The following GJA5 variants were observed in gnomAD, a reference collection of about 807,000 sequenced individuals.
GJA5 encodes gap junction protein alpha 5.
A neutral mutation model predicts 7.9 loss-of-function variants in GJA5; 3 were observed. The observed-to-expected ratio is 0.38, with a 90% CI of 0.17 to 0.99. GJA5 has a LOEUF of 0.99. Ranked by LOEUF, GJA5 falls within the 50% of genes least tolerant of loss-of-function variation. The pLI is 0.38. For missense variants in GJA5, 390 were observed against 457.9 expected, an observed-to-expected ratio of 0.85 and a Z score of 1.35; for synonymous variants, 193 against 181.0, an observed-to-expected ratio of 1.07 and a Z score of -0.53.
intron 1 of GJA5, among the ~76,000 whole-genome samples, chr1:147,767,577 T>TTTTA (rs1553228397): frequency 4.0e-5 from 6 of 148,482 alleles, no homozygotes; most frequent in African/African-American, 1.5e-4. Flanking sequence ...TTTTTTTTTT[T>TTTTA]TTTAGAGATG....
chr1:147,769,475 G>A (rs1224210452), intron 1 of GJA5, among the ~76,000 whole-genome samples: 1 of 152,186 alleles, frequency 6.6e-6, no homozygotes, highest in Non-Finnish European at 1.5e-5. Context: ...TGGGGATAAC[G>A]TAATGTGTGG....
chr1:147,759,996 A>G (rs1663928658), intron 1 of GJA5, among the ~76,000 whole-genome samples: 2 of 152,174 alleles, frequency 1.3e-5, no homozygotes, highest in Admixed American at 1.3e-4. Flanking sequence ...AGCATGGACC[A>G]GCTGTGTTGG....
intron 1 of GJA5, among the ~76,000 whole-genome samples, chr1:147,768,246 T>C (rs1664277405): frequency 6.6e-6 from 1 of 152,224 alleles, no homozygotes; most frequent in Admixed American, 6.5e-5. Context: ...TTAATTCCTT[T>C]TTAAATTTAA....
chr1:147,760,668 C>A (rs2148960322), upstream of GJA5: 1 of 152,366 alleles, frequency 6.6e-6, no homozygotes, highest in African/African-American at 2.4e-5. Flanking sequence ...GGCTGACAGG[C>A]ACTGTTGTTT....
upstream of GJA5, among the ~76,000 whole-genome samples, chr1:147,762,591 G>A (rs1664058906): frequency 1.3e-5 from 2 of 152,210 alleles, no homozygotes; most frequent in Non-Finnish European, 2.9e-5. Context: ...ACTATCTGAG[G>A]AGGTATAGGG....
At position 147,758,480 on chromosome 1, in the gene GJA5, G is replaced by A. The variant is rs781830134; in HGVS notation, c.759C>T (p.Pro253=). 6 of 1,614,208 alleles carry A rather than the reference G, an allele frequency of 3.7e-6. No homozygotes were observed. The East Asian group carries it at 6.7e-5, about 18-fold the overall frequency. Residue 253 remains proline, a synonymous_variant, in exon 2 of 2, where the codon CCC becomes CCT. Coordinates refer to ENST00000579774, the MANE Select transcript of GJA5 (RefSeq NM_181703.4). ...QHMAKCQLSG[P]SVGIVQSCTP... is the part of the protein sequence containing the mutation. ...TGCAGCTCTGGACTATGCCCACAGAGGGGCCAGAAAGCTGGCACTTAGCCA... is the reference window on the plus strand; with the variant it reads ...TGCAGCTCTGGACTATGCCCACAGAAGGGCCAGAAAGCTGGCACTTAGCCA...
At chr1:147,768,895 C>T (rs1401895572) in intron 1 of GJA5, among the ~76,000 whole-genome samples, 1 of 152,222 alleles carries the variant, frequency 6.6e-6, no homozygotes, top group Non-Finnish European at 1.5e-5. Flanking sequence ...CACATCCTCT[C>T]TACATCTCTG....
intron 1 of GJA5, among the ~76,000 whole-genome samples, chr1:147,768,771 C>T (rs1664298879): frequency 6.6e-6 from 1 of 152,266 alleles, no homozygotes. Flanking sequence ...AGTAGTATTG[C>T]CCCATTTCAC....
intron 1 of GJA5, among the ~76,000 whole-genome samples, chr1:147,759,660 C>G (rs887627405): frequency 6.6e-6 from 1 of 152,098 alleles, no homozygotes; most frequent in East Asian, 1.9e-4. Flanking sequence ...AGGGACCGCA[C>G]CTGGAGAAAC....
intron 1 of GJA5, among the ~76,000 whole-genome samples, chr1:147,771,582 A>G (rs1292985098): frequency 6.6e-6 from 1 of 152,210 alleles, no homozygotes; most frequent in Non-Finnish European, 1.5e-5. Context: ...ATGTAAGAAC[A>G]GTGACCAGCT....
At chr1:147,766,151 C>T (rs1160511768) in intron 1 of GJA5, among the ~76,000 whole-genome samples, 1 of 152,138 alleles carries the variant, frequency 6.6e-6, no homozygotes, top group Non-Finnish European at 1.5e-5. Flanking sequence ...ATTAGTTGCT[C>T]TACAGGCCAT....
At position 147,756,450 on chromosome 1, in the gene GJA5, T is replaced by A. The variant is rs1159901516; in HGVS notation, c.*1712A>T. ...CATCCTAGTCACTTTCCTCCACCTC[T>A]CCACTCTCATTTATCTTTCCACCCA... On this transcript the variant is annotated 3_prime_UTR_variant, in exon 2 of 2. Transcript: ENST00000579774. 5 of 152,196 alleles carry A rather than the reference T, an allele frequency of 3.3e-5. No individual in the cohort carries two copies. The highest frequency in any genetic ancestry group is 7.3e-5 in the Non-Finnish European group (5 of 68,042). The allele number at this position is 152,196 out of a possible 1,614,324, so 9.4% of individuals were successfully genotyped here.
chr1:147,766,799 C>A (rs782534114), intron 1 of GJA5, among the ~76,000 whole-genome samples: 4 of 152,156 alleles, frequency 2.6e-5, no homozygotes, highest in African/African-American at 9.7e-5. Flanking sequence ...GTAATAATAA[C>A]AACCCCCTGG....
chr1:147,760,845 C>T (rs1451497350), upstream of GJA5, among the ~76,000 whole-genome samples: 1 of 152,138 alleles, frequency 6.6e-6, no homozygotes, highest in African/African-American at 2.4e-5. Flanking sequence ...TTCTACCCCC[C>T]AGTAAATGGA....
chr1:147,765,763 G>C (rs1444063140), intron 1 of GJA5, among the ~76,000 whole-genome samples: 2 of 152,122 alleles, frequency 1.3e-5, no homozygotes, highest in African/African-American at 4.8e-5. Context: ...TTGCTCCTGA[G>C]GGCCTAATCT....
Position 147,759,101 on chromosome 1 carries a change from C to T in GJA5, c.138G>A (p.Gly46=), listed in dbSNP as rs984101534. 2 of 1,612,640 alleles carry T rather than the reference C, an allele frequency of 1.2e-6. No individual in the cohort carries two copies. Among genetic ancestry groups the T allele is most frequent in the Non-Finnish European group, 1.7e-6 (2 of 1,179,204 alleles). The part of the protein sequence containing the change: ...VLGTAAESSW[G]DEQADFRCDT... ...CACACCGGAAATCAGCCTGCTCATC[C>T]CCCCAGGAAGACTCAGCAGCTGTGC... Residue 46 remains glycine (G), a synonymous_variant, in exon 2 of 2, where the codon GGG becomes GGA. Coordinates refer to ENST00000579774, the MANE Select transcript of GJA5 (RefSeq NM_181703.4).
intron 1 of GJA5, among the ~76,000 whole-genome samples, chr1:147,772,373 G>T (rs942771839): frequency 1.3e-5 from 2 of 152,162 alleles, no homozygotes; most frequent in Non-Finnish European, 2.9e-5. Context: ...TTGCCTTTGA[G>T]CCTATGGAAT....
chr1:147,767,372 AG>A, intron 1 of GJA5, among the ~76,000 whole-genome samples: 1 of 151,672 alleles, frequency 6.6e-6, no homozygotes, highest in Non-Finnish European at 1.5e-5. Context: ...CAACAGCCTG[AG>A]GAAGTGGGGA....
chr1:147,770,616 C>A (rs1664360783), intron 1 of GJA5, among the ~76,000 whole-genome samples: 1 of 152,046 alleles, frequency 6.6e-6, no homozygotes, highest in Non-Finnish European at 1.5e-5. Flanking sequence ...TAAATAATTT[C>A]CCCAAGATCA....
Sources: gnomAD v4.1 joint callset for allele counts (sites outside exome capture counted in the v4.1 genomes callset) on GRCh38, gnomAD v4.1.1 for gene constraint, MANE v1.5 for transcripts, NCBI Gene and HGNC (gene_info 2026-07-23, HGNC 2026-07-21) for gene names.